IL1RAPL2: variants seen among roughly 807,000 people sequenced by gnomAD.
The protein encoded by IL1RAPL2 is X-linked interleukin-1 receptor accessory protein-like 2.
A neutral mutation model predicts 44.1 loss-of-function variants in IL1RAPL2; 3 were observed. The ratio of observed to expected loss-of-function variants is 0.07; its 90% CI spans 0.03 to 0.18. IL1RAPL2 has a LOEUF of 0.18. Among genes scored for constraint, IL1RAPL2 ranks in the 10% least tolerant of loss-of-function variants. IL1RAPL2 has a pLI of 1.00. For missense variants in IL1RAPL2, 391 were observed against 496.4 expected, an observed-to-expected ratio of 0.79 and a Z score of 2.02; for synonymous variants, 181 against 178.8, an observed-to-expected ratio of 1.01 and a Z score of -0.10.
At chrX:105,009,737 C>T (rs2147740429) in intron 2 of IL1RAPL2, among the ~76,000 whole-genome samples, 1 of 109,868 alleles carries the variant, frequency 9.1e-6, no homozygotes, top group Admixed American at 9.7e-5. Context: ...TACCCTAAAA[C>T]TTAAAGTATA....
intron 2 of IL1RAPL2, among the ~76,000 whole-genome samples, chrX:104,760,488 G>T (rs958106877): frequency 4.5e-5 from 5 of 111,728 alleles, no homozygotes; most frequent in African/African-American, 1.6e-4. Flanking sequence ...ACTGGGGTGA[G>T]GTGATATCTC....
intron 2 of IL1RAPL2, among the ~76,000 whole-genome samples, chrX:104,921,369 C>T (rs995341269): frequency 9.0e-6 from 1 of 111,089 alleles, no homozygotes; most frequent in Non-Finnish European, 1.9e-5. Flanking sequence ...TGCCATGGGG[C>T]TGAGGTACAG....
At chrX:104,588,980 T>C (rs1464656366) in intron 1 of IL1RAPL2, among the ~76,000 whole-genome samples, 1 of 112,180 alleles carries the variant, frequency 8.9e-6, no homozygotes, top group Non-Finnish European at 1.9e-5. Flanking sequence ...GAAATATAGC[T>C]GTCCAACCAT....
At chrX:105,162,691 G>T (rs1477952264) in intron 2 of IL1RAPL2, among the ~76,000 whole-genome samples, 1 of 112,153 alleles carries the variant, frequency 8.9e-6, no homozygotes. Flanking sequence ...CATGTATGGA[G>T]GGTGTGTTAG....
chrX:105,680,038 T>C (rs1338569748), intron 6 of IL1RAPL2, among the ~76,000 whole-genome samples: 1 of 111,369 alleles, frequency 9.0e-6, no homozygotes, highest in Non-Finnish European at 1.9e-5. Context: ...TCTCGCTCTG[T>C]CACCCATGCT....
In IL1RAPL2 at chrX:104,997,430, A is replaced by G. The variant is rs181975862; in HGVS notation, c.83-198045A>G. 5.4e-5 allele frequency among the ~76,000 whole-genome samples: 6 copies of G among 111,768 alleles called. No homozygotes were observed. The East Asian group carries it at 1.7e-3, about 32-fold the overall frequency. On this transcript the variant is annotated intron_variant, in intron 2 of 10. Transcript: ENST00000372582. ...TTAGTGGCTTATATTTGTGTTTTACATTACATTTCTGTTGGACAACACTGC... is the reference window on the plus strand; with the variant it reads ...TTAGTGGCTTATATTTGTGTTTTACGTTACATTTCTGTTGGACAACACTGC...
intron 2 of IL1RAPL2, chrX:104,804,081 C>G (rs1456003930): frequency 8.8e-6 from 1 of 114,004 alleles, no homozygotes; most frequent in Non-Finnish European, 1.8e-5. Flanking sequence ...ATGAAGAAGT[C>G]TTTGGGGGAA....
At chrX:104,800,009 T>C (rs1465061555) in intron 2 of IL1RAPL2, among the ~76,000 whole-genome samples, 1 of 87,034 alleles carries the variant, frequency 1.1e-5, no homozygotes, top group Non-Finnish European at 2.2e-5. Flanking sequence ...ATTTCAGGGA[T>C]TTACCTCCAA....
rs529633869 is a variant in IL1RAPL2 at position 104,604,863 on chromosome X, A to G, written c.-20+37812A>G. Among the ~76,000 whole-genome samples, 19 of 110,866 alleles carry G rather than the reference A, an allele frequency of 1.7e-4. No homozygotes were observed. In the South Asian group the frequency reaches 4.6e-3, roughly 27 times the overall value. Reference sequence around the variant, plus strand: ...CAAAGAGACTTAGACCCACACAATAATAATGGGAGTCTTTAACACCCCACT... The same window carrying G: ...CAAAGAGACTTAGACCCACACAATAGTAATGGGAGTCTTTAACACCCCACT... On this transcript the variant is annotated intron_variant, in intron 1 of 10. Transcript: ENST00000372582.
chrX:104,946,415 TAA>T (rs1258273744), intron 2 of IL1RAPL2, among the ~76,000 whole-genome samples: 204 of 33,937 alleles, frequency 6.0e-3, no homozygotes, highest in Non-Finnish European at 9.7e-3. Flanking sequence ...AAAAACTTTT[TAA>T]AAAAATTATT....
intron 2 of IL1RAPL2, among the ~76,000 whole-genome samples, chrX:104,931,728 ATAAAT>A (rs1009180160): frequency 7.2e-5 from 8 of 111,512 alleles, no homozygotes; most frequent in Admixed American, 1.9e-4. Context: ...ATTATTGAAA[ATAAAT>A]TAAAAGAACT....
chrX:105,174,806 G>A (rs1298333886), intron 2 of IL1RAPL2, among the ~76,000 whole-genome samples: 1 of 111,372 alleles, frequency 9.0e-6, no homozygotes, highest in African/African-American at 3.3e-5. Context: ...ACCCACTGCT[G>A]GTGCCTTTGA....
intron 1 of IL1RAPL2, among the ~76,000 whole-genome samples, chrX:104,609,484 A>T: frequency 8.9e-6 from 1 of 112,100 alleles, no homozygotes; most frequent in East Asian, 2.8e-4. Context: ...TTCCAGGTAC[A>T]CCAATCAAAT....
chrX:104,647,921 A>C lies in IL1RAPL2; in HGVS notation c.-19-10974A>C, dbSNP rs1930078074. 1.5e-5 allele frequency: 10 copies of C among 659,333 alleles called. No individual in the cohort carries two copies. The East Asian group carries it at 3.3e-4, about 22-fold the overall frequency. 54.3% of individuals were successfully genotyped at this position (659,333 alleles called of 1,213,427 possible). A position where few individuals can be genotyped will look rare whatever the true frequency, so the allele number is the denominator to read the frequency against. ...TCTGTGACCAGCATCCACATTATAT[A>C]AGGCAGAGTTCAGCATGCTTCCTAC... On this transcript the variant is annotated intron_variant, in intron 1 of 10. Coordinates refer to ENST00000372582, the MANE Select transcript of IL1RAPL2 (RefSeq NM_017416.2).
At chrX:105,224,407 T>C (rs1556186410) in intron 3 of IL1RAPL2, among the ~76,000 whole-genome samples, 1 of 111,524 alleles carries the variant, frequency 9.0e-6, no homozygotes, top group East Asian at 2.8e-4. Context: ...AGGTGCCAGA[T>C]GATAGGAGAT....
chrX:104,878,269 T>G (rs1922963723), intron 2 of IL1RAPL2, among the ~76,000 whole-genome samples: 1 of 111,853 alleles, frequency 8.9e-6, no homozygotes, highest in South Asian at 3.7e-4. Context: ...ATGTGACAAT[T>G]CAATGGTTAT....
At chrX:105,352,640 G>GT (rs2035165216) in intron 5 of IL1RAPL2, among the ~76,000 whole-genome samples, 1 of 109,083 alleles carries the variant, frequency 9.2e-6, no homozygotes, top group Admixed American at 9.9e-5. Context: ...GTGTGAGGTG[G>GT]TATCTCATTG....
intron 2 of IL1RAPL2, among the ~76,000 whole-genome samples, chrX:105,052,215 C>T (rs968353296): frequency 1.8e-5 from 2 of 111,705 alleles, no homozygotes; most frequent in African/African-American, 6.5e-5. Context: ...TTCCTCTAGC[C>T]ATCATGTCTG....
chrX:105,355,329 C>G (rs1023759808), intron 5 of IL1RAPL2, among the ~76,000 whole-genome samples: 1 of 111,131 alleles, frequency 9.0e-6, no homozygotes, highest in Non-Finnish European at 1.9e-5. Flanking sequence ...ATGCATCTGT[C>G]TCACTACTGC....
Sources: allele counts gnomAD v4.1 joint callset (sites outside exome capture counted in the v4.1 genomes callset), GRCh38; gene constraint gnomAD v4.1.1; transcripts MANE v1.5; gene names NCBI Gene and HGNC (gene_info 2026-07-23, HGNC 2026-07-21).